Variants in HS3ST4 observed in about 807,000 individuals in gnomAD.
HS3ST4 encodes heparan sulfate glucosamine 3-O-sulfotransferase 4.
In HS3ST4, 17 loss-of-function variants were observed where a neutral mutation model predicts 29.2. The observed-to-expected ratio is 0.58, with a 90% CI of 0.40 to 0.87. HS3ST4 has a LOEUF of 0.87. Among genes scored for constraint, HS3ST4 ranks in the 40% least tolerant of loss-of-function variants. The pLI is 0.00. For synonymous variants in HS3ST4, 314 were observed against 285.7 expected (o/e 1.10, Z -1.00); for missense variants, 627 against 634.5 (o/e 0.99, Z 0.13).
chr16:25,868,118 C>T (rs550491144), intron 1 of HS3ST4, among the ~76,000 whole-genome samples: 11 of 152,150 alleles, frequency 7.2e-5, no homozygotes, highest in East Asian at 1.9e-4. Flanking sequence ...TGAATCTGCC[C>T]GCCTTGCTTG....
intron 1 of HS3ST4, among the ~76,000 whole-genome samples, chr16:25,941,302 G>A (rs1238826646): frequency 6.6e-6 from 1 of 152,052 alleles, no homozygotes; most frequent in African/African-American, 2.4e-5. Flanking sequence ...TGGGATTACA[G>A]GCATGCATGA....
Position 26,038,026 on chromosome 16 carries a change from G to A in HS3ST4, c.735-97586G>A, listed in dbSNP as rs186549491. ...TCTCTCAGAAGAGTAAAAGTCCTTC[G>A]TGTATTTCCCAAAACCTTACATGAT... is the stretch of plus-strand genomic sequence containing the variant. On this transcript the variant is annotated intron_variant, in intron 1 of 1. Coordinates refer to ENST00000331351, the MANE Select transcript of HS3ST4 (RefSeq NM_006040.3). Among the ~76,000 whole-genome samples the A allele has an allele frequency of 2.6e-5, 4 of 152,264 alleles. No homozygotes were observed. In the East Asian group the frequency reaches 5.8e-4, roughly 22 times the overall value.
At chr16:25,888,799 A>G (rs1205010215) in intron 1 of HS3ST4, among the ~76,000 whole-genome samples, 5 of 152,364 alleles carry the variant, frequency 3.3e-5, no homozygotes, top group African/African-American at 1.2e-4. Flanking sequence ...CAACAAAACA[A>G]CAACAACAAC....
chr16:26,069,867 C>A (rs914884081), intron 1 of HS3ST4, among the ~76,000 whole-genome samples: 3 of 152,046 alleles, frequency 2.0e-5, no homozygotes, highest in Admixed American at 2.0e-4. Context: ...TCATCCATGT[C>A]CCTACAAAGG....
At chr16:25,743,619 C>T (rs1055479490) in intron 1 of HS3ST4, among the ~76,000 whole-genome samples, 1 of 152,124 alleles carries the variant, frequency 6.6e-6, no homozygotes, top group Non-Finnish European at 1.5e-5. Flanking sequence ...GATTCTTCTG[C>T]CTCAGCCTCC....
rs10577362 is a variant in HS3ST4, at chr16:25,940,201, A to ATT, written c.735-195396_735-195395dup. ...CAATTGTGAGAAATCTCCAGATTTG[A>ATT]TTTTTTTTTTTTTTTTGAAACAGCT... is the stretch of plus-strand genomic sequence containing the variant. On this transcript the variant is annotated intron_variant, in intron 1 of 1. Transcript: ENST00000331351. Among the ~76,000 whole-genome samples the ATT allele has an allele frequency of 7.3e-4, 107 of 146,300 alleles. 1 individual carries two copies. Among genetic ancestry groups the ATT allele is most frequent in the African/African-American group, 2.4e-3 (97 of 39,882 alleles).
intron 1 of HS3ST4, among the ~76,000 whole-genome samples, chr16:25,747,879 A>G (rs1966694717): frequency 2.0e-5 from 3 of 152,124 alleles, no homozygotes; most frequent in African/African-American, 7.2e-5. Flanking sequence ...CCTGAGTTTG[A>G]AAGGGCGCTC....
chr16:25,696,500 G>GT (rs11434979), intron 1 of HS3ST4, among the ~76,000 whole-genome samples: 75,173 of 148,436 alleles, frequency 0.51, 19,473 homozygotes, highest in Middle Eastern at 0.61. Flanking sequence ...TGGTTTGTTT[G>GT]TTTTTTTTTT....
intron 1 of HS3ST4, among the ~76,000 whole-genome samples, chr16:26,048,430 A>G (rs1898294838): frequency 6.6e-6 from 1 of 152,208 alleles, no homozygotes; most frequent in African/African-American, 2.4e-5. Context: ...CCTCTAGGCC[A>G]CCATTTCCGT....
chr16:25,973,546 T>G (rs1968916290), intron 1 of HS3ST4, among the ~76,000 whole-genome samples: 1 of 152,230 alleles, frequency 6.6e-6, no homozygotes. Flanking sequence ...TCTTTGCCAC[T>G]GGAAAATAAT....
At chr16:25,828,204 T>TCTTG (rs1191029082) in intron 1 of HS3ST4, among the ~76,000 whole-genome samples, 2 of 149,536 alleles carry the variant, frequency 1.3e-5, no homozygotes, top group African/African-American at 5.0e-5. Flanking sequence ...TTTCTTTCTT[T>TCTTG]CTTGCTTGCT....
chr16:25,869,459 T>C (rs1284513019), intron 1 of HS3ST4, among the ~76,000 whole-genome samples: 1 of 152,184 alleles, frequency 6.6e-6, no homozygotes, highest in Non-Finnish European at 1.5e-5. Context: ...GCTTTGGGCA[T>C]GTTATTTGAC....
chr16:25,986,318 C>T (rs1264800076), intron 1 of HS3ST4, among the ~76,000 whole-genome samples: 1 of 152,224 alleles, frequency 6.6e-6, no homozygotes, highest in Non-Finnish European at 1.5e-5. Context: ...ATGGATTAAT[C>T]AATGAGCTTA....
intron 1 of HS3ST4, among the ~76,000 whole-genome samples, chr16:25,701,291 G>A (rs569085044): frequency 6.6e-6 from 1 of 152,214 alleles, no homozygotes; most frequent in Admixed American, 6.5e-5. Context: ...GTTGGGTCCT[G>A]TGCCCCATTC....
In HS3ST4 at chr16:26,136,550, T is replaced by A; in HGVS notation, c.*302T>A. On this transcript the variant is annotated 3_prime_UTR_variant, in exon 2 of 2. Coordinates refer to ENST00000331351, the MANE Select transcript of HS3ST4 (RefSeq NM_006040.3). ...TAGCCTGAAGACAGAGGATAAATAGTTGTCAATGTCAGAGACAGTGCTATT... is the reference window on the plus strand; with the variant it reads ...TAGCCTGAAGACAGAGGATAAATAGATGTCAATGTCAGAGACAGTGCTATT... The A allele has an allele frequency of 2.4e-6, 1 of 418,414 alleles. No homozygotes were observed. Among genetic ancestry groups the A allele is most frequent in the Middle Eastern group, 6.9e-4 (1 of 1,454 alleles). The allele number at this position is 418,414 out of a possible 1,614,324, so 25.9% of individuals were successfully genotyped here.
intron 1 of HS3ST4, among the ~76,000 whole-genome samples, chr16:26,120,957 G>A (rs12596324): frequency 1.8e-4 from 28 of 152,054 alleles, no homozygotes; most frequent in Admixed American, 1.0e-3. Context: ...TAATTAACAC[G>A]CGTACTGAGC....
intron 1 of HS3ST4, among the ~76,000 whole-genome samples, chr16:25,758,276 G>T (rs1029067353): frequency 1.3e-5 from 2 of 152,120 alleles, no homozygotes; most frequent in African/African-American, 2.4e-5. Context: ...TCCTGTCATT[G>T]ATTGTCTTTT....
rs141361447 is a variant in HS3ST4, at chr16:26,087,088, GT to G, written c.735-48522del. Reference sequence around the variant, plus strand: ...TAATTGTTCTTCAAACATGTTTGGGGTTCCAGGTTCCACCTCTGTTTGTTAT... The same window carrying G: ...TAATTGTTCTTCAAACATGTTTGGGGTCCAGGTTCCACCTCTGTTTGTTAT... On this transcript the variant is annotated intron_variant, in intron 1 of 1. Transcript: ENST00000331351. Among the ~76,000 whole-genome samples, 814 of 152,276 alleles carry G rather than the reference GT, an allele frequency of 5.3e-3. 7 individuals are homozygous for G. Among genetic ancestry groups the G allele is most frequent in the African/African-American group, 0.019 (784 of 41,556 alleles).
Position 25,980,518 on chromosome 16 carries a change from C to A in HS3ST4, c.735-155094C>A, listed in dbSNP as rs936597477. On this transcript the variant is annotated intron_variant, in intron 1 of 1. Coordinates refer to ENST00000331351, the MANE Select transcript of HS3ST4 (RefSeq NM_006040.3). ...ACAAAGCCAGCTACGGCTGTATTCT[C>A]CATATGCTTGGCATGGTCACCATCT... is the stretch of plus-strand genomic sequence containing the variant. Among the ~76,000 whole-genome samples, 11 of 152,286 alleles carry A rather than the reference C, an allele frequency of 7.2e-5. No individual in the cohort carries two copies. In the South Asian group the frequency reaches 2.3e-3, roughly 32 times the overall value.
Sources: gnomAD v4.1 joint callset for allele counts (sites outside exome capture counted in the v4.1 genomes callset) on GRCh38, gnomAD v4.1.1 for gene constraint, MANE v1.5 for transcripts, NCBI Gene and HGNC (gene_info 2026-07-23, HGNC 2026-07-21) for gene names.